Variants in MPV17 observed in about 807,000 individuals in gnomAD.
MPV17 encodes mitochondrial inner membrane protein MPV17.
Under a neutral mutation model 28.6 loss-of-function variants are expected in MPV17, and 31 were observed. That is an observed-to-expected ratio of 1.08 (90% CI 0.81 to 1.46). MPV17 has a LOEUF of 1.46. MPV17 is among the 40% of genes most tolerant of loss of function. The probability of loss-of-function intolerance (pLI) is 0.00; values close to 1 mark genes in which losing one functional copy is unlikely to be tolerated. For synonymous variants in MPV17, 87 were observed against 85.3 expected (o/e 1.02, Z -0.11); for missense variants, 198 against 216.2 (o/e 0.92, Z 0.53).
intron 2 of MPV17, among the ~76,000 whole-genome samples, chr2:27,316,433 TG>T (rs1367954060): frequency 6.6e-6 from 1 of 152,070 alleles, no homozygotes; most frequent in African/African-American, 2.4e-5. Flanking sequence ...CTGCAGTCCC[TG>T]ACGGTTCATT....
At chr2:27,321,396 CAGTTA>C (rs1679853450) in intron 2 of MPV17, among the ~76,000 whole-genome samples, 1 of 152,206 alleles carries the variant, frequency 6.6e-6, no homozygotes, top group Non-Finnish European at 1.5e-5. Flanking sequence ...GCCATTCATG[CAGTTA>C]AGTTTCTGTG....
At chr2:27,314,790 T>C (rs1679589221) in intron 2 of MPV17, among the ~76,000 whole-genome samples, 1 of 152,224 alleles carries the variant, frequency 6.6e-6, no homozygotes, top group South Asian at 2.1e-4. Context: ...CAATTAGCAC[T>C]GGACAAACAC....
intron 2 of MPV17, chr2:27,316,720 T>C: frequency 4.3e-6 from 1 of 231,140 alleles, no homozygotes; most frequent in Non-Finnish European, 8.4e-6. Context: ...CTGGGCCCCC[T>C]CCCCTTGGAC....
chr2:27,312,493 C>T lies in MPV17; in HGVS notation c.375+1G>A. On this transcript the variant is annotated splice_donor_variant, in intron 5 of 7. Coordinates refer to ENST00000380044, the MANE Select transcript of MPV17 (RefSeq NM_002437.5). LOFTEE classifies it high-confidence loss of function. ...ACATTCTCCACACCTGCCCAGCTCA[C>T]CCGCTGTAGTTTGGCCCAGTTGTCC... is the stretch of plus-strand genomic sequence containing the variant. 1 of 1,614,030 alleles carries T rather than the reference C, an allele frequency of 6.2e-7. No individual in the cohort carries two copies. The highest frequency in any genetic ancestry group is 8.5e-7 in the Non-Finnish European group (1 of 1,179,852).
intron 2 of MPV17, chr2:27,316,321 C>T: frequency 9.2e-7 from 1 of 1,087,098 alleles, no homozygotes. Context: ...AGCCTGCAGC[C>T]TTGGAGAAAG....
intron 2 of MPV17, chr2:27,315,822 A>G (rs1679629693): frequency 1.8e-6 from 2 of 1,107,566 alleles, no homozygotes; most frequent in Non-Finnish European, 2.3e-6. Flanking sequence ...TTGGCCGCCC[A>G]AAGTGTTGGG....
intron 2 of MPV17, 30 bp downstream of exon 2, chr2:27,322,418 G>C (rs1163298157): frequency 6.3e-7 from 1 of 1,595,390 alleles, no homozygotes; most frequent in Admixed American, 1.7e-5. Context: ...GTCTGCCCTG[G>C]TCCCACTCAA....
At chr2:27,321,317 GGACAA>G (rs2148224389) in intron 2 of MPV17, among the ~76,000 whole-genome samples, 1 of 152,358 alleles carries the variant, frequency 6.6e-6, no homozygotes, top group Non-Finnish European at 1.5e-5. Flanking sequence ...GCTGAGGACA[GGACAA>G]GAGGTGGTTG....
intron 7 of MPV17, among the ~76,000 whole-genome samples, chr2:27,310,466 C>T (rs554389876): frequency 3.3e-5 from 5 of 152,306 alleles, no homozygotes; most frequent in Admixed American, 3.3e-4. Flanking sequence ...TAGTGCCATC[C>T]CAGAGCTCTG....
chr2:27,320,159 C>T (rs1679802925), intron 2 of MPV17, among the ~76,000 whole-genome samples: 2 of 150,918 alleles, frequency 1.3e-5, no homozygotes, highest in South Asian at 2.1e-4. Context: ...ATCACTTGAA[C>T]CCGGGAGGCG....
chr2:27,310,563 T>C (rs1679393111), intron 7 of MPV17, among the ~76,000 whole-genome samples: 1 of 152,208 alleles, frequency 6.6e-6, no homozygotes, highest in South Asian at 2.1e-4. Context: ...GGCCCCTATC[T>C]GGGCCCCTTC....
rs1422688506 is a variant in MPV17, at chr2:27,317,177, G to A, written c.71-4068C>T. ...CGTGTCCTTCAGTCCAGGAGGCCTG[G>A]GTCGGCAGGTATAGCTACTGGCATG... On this transcript the variant is annotated intron_variant, in intron 2 of 7. Transcript: ENST00000380044. The surrounding 1 kb of genome is among the most constrained non-coding windows in gnomAD (Gnocchi z 4.0). 12 of 1,550,228 alleles carry A rather than the reference G, an allele frequency of 7.7e-6. No homozygotes were observed. Among genetic ancestry groups the A allele is most frequent in the Non-Finnish European group, 1.0e-5 (12 of 1,146,938 alleles).
intron 1 of MPV17, 38 bp from the exon 2 acceptor site, chr2:27,322,560 C>A: frequency 6.4e-7 from 1 of 1,570,992 alleles, no homozygotes; most frequent in East Asian, 2.2e-5. Flanking sequence ...CCCCCACCGT[C>A]CCTCTCCACG....
In MPV17 at chr2:27,309,887, G is replaced by T. The variant is rs1398570133; in HGVS notation, c.*25C>A. 8.7e-6 allele frequency: 14 copies of T among 1,603,192 alleles called. No homozygotes were observed. The highest frequency in any genetic ancestry group is 1.2e-5 in the Non-Finnish European group (14 of 1,170,058). ...CAGGGTCAAGCTGCATCACTGCAAG[G>T]TGGAAACGATGGAGTGAGGCAGGCT... On this transcript the variant is annotated 3_prime_UTR_variant, in exon 8 of 8. Coordinates refer to ENST00000380044, the MANE Select transcript of MPV17 (RefSeq NM_002437.5).
rs1423349611 is a variant in MPV17 at position 27,317,680 on chromosome 2, G to T, written c.71-4571C>A. ...TCAGACTCCAGGGAAACCAGTATTTGTAAGAGCTCAGCTGCTCCCACAGCA... is the reference window on the plus strand; with the variant it reads ...TCAGACTCCAGGGAAACCAGTATTTTTAAGAGCTCAGCTGCTCCCACAGCA... On this transcript the variant is annotated intron_variant, in intron 2 of 7. Transcript: ENST00000380044. This position sits in a 1 kb window ranked among gnomAD's most constrained non-coding sequence, Gnocchi z 4.0. Among the ~76,000 whole-genome samples the T allele has an allele frequency of 3.3e-5, 5 of 152,324 alleles. No homozygotes were observed. The East Asian group carries it at 5.8e-4, about 18-fold the overall frequency.
At chr2:27,311,858 C>A in intron 7 of MPV17, 41 bp downstream of exon 7, 1 of 1,608,656 alleles carries the variant, frequency 6.2e-7, no homozygotes, top group Non-Finnish European at 8.5e-7. Flanking sequence ...CTGTTGGTAA[C>A]GTGGGTCTTC....
chr2:27,320,855 C>T (rs1679831325), intron 2 of MPV17, among the ~76,000 whole-genome samples: 1 of 152,130 alleles, frequency 6.6e-6, no homozygotes, highest in Non-Finnish European at 1.5e-5. Flanking sequence ...GCCACTTCCA[C>T]CTTTTATTTG....
chr2:27,312,132 A>G (rs531941081), intron 6 of MPV17, 82 bp downstream of exon 6: 20 of 1,523,898 alleles, frequency 1.3e-5, no homozygotes, highest in Non-Finnish European at 1.8e-5. Flanking sequence ...AGGGTTTCCC[A>G]TGTCAGGAGG....
At position 27,311,795 on chromosome 2, in the gene MPV17, G is replaced by A. The variant is rs1033921275; in HGVS notation, c.461+104C>T. The A allele has an allele frequency of 1.7e-5, 26 of 1,569,406 alleles. No homozygotes were observed. In the African/African-American group the frequency reaches 2.7e-4, roughly 16 times the overall value. ...AACTCTGATCACGGCTCAGTGTTCC[G>A]TTTGGGGGTCTAAGGTAGCTCAAGG... On this transcript the variant is annotated intron_variant, in intron 7 of 7. Transcript: ENST00000380044.
Sources: allele counts gnomAD v4.1 joint callset (sites outside exome capture counted in the v4.1 genomes callset), GRCh38; gene constraint gnomAD v4.1.1; non-coding constraint Gnocchi (gnomAD v3.1); transcripts MANE v1.5; gene names NCBI Gene and HGNC (gene_info 2026-07-23, HGNC 2026-07-21).